Variants in MTUS2 observed in about 807,000 individuals in gnomAD.
MTUS2 encodes the protein microtubule-associated tumor suppressor candidate 2.
A neutral mutation model predicts 114.1 loss-of-function variants in MTUS2; 40 were observed. That is an observed-to-expected ratio of 0.35 (90% CI 0.27 to 0.46). The LOEUF is 0.46. Ranked by LOEUF, MTUS2 falls within the 20% of genes least tolerant of loss-of-function variation. MTUS2 has a pLI of 1.00. For missense variants in MTUS2, 1,679 were observed against 1,705.4 expected (o/e 0.98, Z 0.27); for synonymous variants, 688 against 672.0 (o/e 1.02, Z -0.37).
chr13:29,197,675 G>A (rs1402117193), intron 5 of MTUS2, among the ~76,000 whole-genome samples: 8 of 152,060 alleles, frequency 5.3e-5, no homozygotes, highest in African/African-American at 1.9e-4. Flanking sequence ...CACTCCCACC[G>A]ACAGTGTAAA....
chr13:29,190,729 A>G (rs978429010), intron 5 of MTUS2, among the ~76,000 whole-genome samples: 2 of 152,142 alleles, frequency 1.3e-5, no homozygotes, highest in South Asian at 4.1e-4. Flanking sequence ...AGCATTGCAT[A>G]TATATAACTT....
chr13:29,141,861 A>ATTT (rs370911804), intron 5 of MTUS2, among the ~76,000 whole-genome samples: 1 of 142,368 alleles, frequency 7.0e-6, no homozygotes, highest in Non-Finnish European at 1.5e-5. Flanking sequence ...TGGGGATCTA[A>ATTT]TTTTTTTTTT....
At chr13:29,016,003 C>G (rs1353274594) in intron 2 of MTUS2, among the ~76,000 whole-genome samples, 1 of 152,066 alleles carries the variant, frequency 6.6e-6, no homozygotes, top group Non-Finnish European at 1.5e-5. Context: ...CTCCTGGGTT[C>G]AAGCAATTCT....
At chr13:29,031,625 T>G (rs1031141297) in intron 3 of MTUS2, among the ~76,000 whole-genome samples, 6 of 151,994 alleles carry the variant, frequency 3.9e-5, no homozygotes, top group African/African-American at 1.5e-4. Flanking sequence ...TGCAACTGAT[T>G]AGATGAGACT....
chr13:28,869,823 AG>A (rs1228249246), intron 2 of MTUS2, among the ~76,000 whole-genome samples: 1 of 152,184 alleles, frequency 6.6e-6, no homozygotes, highest in African/African-American at 2.4e-5. Flanking sequence ...CGAAGTGAGC[AG>A]ACCCCTATAT....
chr13:29,495,282 C>A (rs775161163), intron 12 of MTUS2, among the ~76,000 whole-genome samples: 7 of 144,912 alleles, frequency 4.8e-5, no homozygotes, highest in Non-Finnish European at 1.0e-4. Flanking sequence ...CACTTGAACC[C>A]GGCAGGCTTA....
intron 6 of MTUS2, among the ~76,000 whole-genome samples, chr13:29,306,328 G>A (rs1464869235): frequency 6.6e-6 from 1 of 152,184 alleles, no homozygotes; most frequent in Non-Finnish European, 1.5e-5. Flanking sequence ...TATTCAGATA[G>A]GAAGAGATGA....
chr13:29,024,158 G>T (rs1476977588), intron 2 of MTUS2, among the ~76,000 whole-genome samples: 1 of 152,122 alleles, frequency 6.6e-6, no homozygotes, highest in African/African-American at 2.4e-5. Context: ...CTTCTGTAAA[G>T]AAGAGCCCTT....
At position 29,318,280 on chromosome 13, in the gene MTUS2, G is replaced by T. The variant is rs531090291; in HGVS notation, c.2807-6333G>T. On this transcript the variant is annotated intron_variant, in intron 6 of 15. Coordinates refer to ENST00000612955, the MANE Select transcript of MTUS2 (RefSeq NM_001033602.4). ...AGGTTTTTTTTTTTTTTGATGTGCT[G>T]ATTTCTTTTTATTAAAAAAAGTATA... Among the ~76,000 whole-genome samples, 32 of 143,166 alleles carry T rather than the reference G, an allele frequency of 2.2e-4. No individual in the cohort carries two copies. In the South Asian group the frequency reaches 5.3e-3, roughly 24 times the overall value. The allele number at this position is 143,166 out of a possible 152,430, so 93.9% of individuals were successfully genotyped here.
chr13:29,385,339 G>A lies in MTUS2; in HGVS notation c.3117+25866G>A, dbSNP rs371837809. Reference sequence around the variant, plus strand: ...ATGCTCAGAGCAGCACTGGGTGCTCGGTGTTTCACACCTGCAGATTCCCAG... The same window carrying A: ...ATGCTCAGAGCAGCACTGGGTGCTCAGTGTTTCACACCTGCAGATTCCCAG... On this transcript the variant is annotated intron_variant, in intron 8 of 15. Transcript: ENST00000612955. Among the ~76,000 whole-genome samples the A allele has an allele frequency of 2.3e-4, 35 of 152,194 alleles. No individual in the cohort carries two copies. The East Asian group carries it at 2.7e-3, about 12-fold the overall frequency.
At chr13:29,137,443 C>T (rs1444261370) in intron 5 of MTUS2, among the ~76,000 whole-genome samples, 4 of 151,956 alleles carry the variant, frequency 2.6e-5, no homozygotes. Flanking sequence ...ATTCTCTCTA[C>T]CTTTTTCCCT....
chr13:29,000,305 G>C (rs4261379), intron 2 of MTUS2, among the ~76,000 whole-genome samples: 148,896 of 152,340 alleles, frequency 0.98, 72,857 homozygotes, highest in East Asian at 1. Context: ...ATTTTCTTCT[G>C]ACTTTTGAAG....
chr13:29,261,044 T>A (rs1897453896), intron 5 of MTUS2, among the ~76,000 whole-genome samples: 1 of 151,874 alleles, frequency 6.6e-6, no homozygotes, highest in Non-Finnish European at 1.5e-5. Flanking sequence ...ATAAAATCAG[T>A]GTGCTGAACA....
intron 5 of MTUS2, among the ~76,000 whole-genome samples, chr13:29,109,843 T>C (rs1785393494): frequency 6.6e-6 from 1 of 152,230 alleles, no homozygotes; most frequent in Non-Finnish European, 1.5e-5. Context: ...AAAGTGCTTC[T>C]GCTGACATCT....
intron 7 of MTUS2, among the ~76,000 whole-genome samples, chr13:29,325,206 AG>A (rs1900430333): frequency 6.6e-6 from 1 of 152,204 alleles, no homozygotes; most frequent in South Asian, 2.1e-4. Context: ...CTGTAATCCC[AG>A]CACTTTGGGA....
chr13:28,822,205 AT>A, intron 1 of MTUS2, among the ~76,000 whole-genome samples: 1 of 152,336 alleles, frequency 6.6e-6, no homozygotes, highest in African/African-American at 2.4e-5. Context: ...GTAATCCCAA[AT>A]ATCCAAATCT....
At chr13:28,873,784 A>G (rs1877764932) in intron 2 of MTUS2, among the ~76,000 whole-genome samples, 1 of 152,206 alleles carries the variant, frequency 6.6e-6, no homozygotes, top group African/African-American at 2.4e-5. Flanking sequence ...GCCAGAGTGG[A>G]CATTTAATAG....
chr13:29,281,285 G>T (rs1898254542), intron 5 of MTUS2, among the ~76,000 whole-genome samples: 2 of 152,068 alleles, frequency 1.3e-5, no homozygotes, highest in Admixed American at 6.5e-5. Flanking sequence ...CACTTCTCCT[G>T]GGTCACTCAC....
chr13:28,842,615 T>C (rs1215754545), intron 2 of MTUS2, among the ~76,000 whole-genome samples: 1 of 152,240 alleles, frequency 6.6e-6, no homozygotes, highest in Non-Finnish European at 1.5e-5. Context: ...TATCGCTGTA[T>C]GGTCCACATA....
Sources: allele counts gnomAD v4.1 joint callset (sites outside exome capture counted in the v4.1 genomes callset), GRCh38; gene constraint gnomAD v4.1.1; transcripts MANE v1.5; gene names NCBI Gene and HGNC (gene_info 2026-07-23, HGNC 2026-07-21).